The following PUDP variants were observed in gnomAD, a reference collection of about 807,000 sequenced individuals.
The protein encoded by PUDP is pseudouridine 5'-phosphatase.
Under a neutral mutation model 9.4 loss-of-function variants are expected in PUDP, and 8 were observed. That is an observed-to-expected ratio of 0.85 (90% CI 0.50 to 1.53). The LOEUF (loss-of-function observed/expected upper bound fraction) is 1.53. Among genes scored for constraint, PUDP ranks in the 40% most tolerant of loss-of-function variants. The pLI is 0.00. For synonymous variants in PUDP, 99 were observed against 80.7 expected, an observed-to-expected ratio of 1.23 and a Z score of -1.22; for missense variants, 188 against 189.7, an observed-to-expected ratio of 0.99 and a Z score of 0.05.
rs1299950653 is a variant in PUDP at position 6,765,246 on chromosome X, C to A, written c.*248-58780G>T. Among the ~76,000 whole-genome samples, 8 of 111,635 alleles carry A rather than the reference C, an allele frequency of 7.2e-5. No homozygotes were observed. In the South Asian group the frequency reaches 3.0e-3, roughly 42 times the overall value. ...AGTGAGCCAACATCACGCCACTACC[C>A]TCCAGCCTAGACAACAGAGCCAGAC... On this transcript the variant is annotated intron_variant and NMD_transcript_variant, in intron 3 of 3. Coordinates refer to the PUDP transcript ENST00000655425.
At chrX:6,825,486 A>G (rs1926411091) in intron 3 of PUDP, among the ~76,000 whole-genome samples, 1 of 111,414 alleles carries the variant, frequency 9.0e-6, no homozygotes, top group African/African-American at 3.3e-5. Flanking sequence ...CAGATGGTAT[A>G]ATATCAAAAA....
chrX:6,742,878 T>G (rs1924956930), intron 3 of PUDP, among the ~76,000 whole-genome samples: 2 of 112,587 alleles, frequency 1.8e-5, no homozygotes, highest in African/African-American at 6.5e-5. Context: ...TAAGAACACA[T>G]GGTTTGAGAA....
At chrX:6,944,914 C>T (rs905854072) in intron 3 of PUDP, among the ~76,000 whole-genome samples, 3 of 111,744 alleles carry the variant, frequency 2.7e-5, no homozygotes, top group South Asian at 3.8e-4. Flanking sequence ...CCTCCTTATC[C>T]GATCACAAAT....
intron 3 of PUDP, among the ~76,000 whole-genome samples, chrX:6,776,128 C>T (rs1925455671): frequency 1.8e-5 from 2 of 111,703 alleles, no homozygotes; most frequent in South Asian, 7.6e-4. Context: ...GTGTGGACAG[C>T]ACTATCCTGC....
At chrX:6,791,846 G>A (rs915493598) in intron 3 of PUDP, among the ~76,000 whole-genome samples, 4 of 112,231 alleles carry the variant, frequency 3.6e-5, no homozygotes, top group African/African-American at 1.3e-4. Flanking sequence ...TTAGTGAAAC[G>A]CTAACAGTAG....
At chrX:6,891,526 G>A (rs183744818) in intron 3 of PUDP, among the ~76,000 whole-genome samples, 1 of 112,056 alleles carries the variant, frequency 8.9e-6, no homozygotes, top group Admixed American at 9.4e-5. Context: ...GATAGGAGCT[G>A]TTCTCCCCAG....
chrX:7,024,968 C>T (rs1929689295), intron 1 of PUDP, among the ~76,000 whole-genome samples: 2 of 110,177 alleles, frequency 1.8e-5, no homozygotes, highest in African/African-American at 3.3e-5. Flanking sequence ...CCAGGACCCA[C>T]ATGGCTGCAA....
intron 2 of PUDP, among the ~76,000 whole-genome samples, chrX:6,978,036 T>C (rs930872893): frequency 2.7e-5 from 3 of 112,324 alleles, no homozygotes; most frequent in African/African-American, 6.5e-5. Context: ...TATCATAAAG[T>C]GGTACATGGC....
intron 3 of PUDP, among the ~76,000 whole-genome samples, chrX:7,051,004 C>A (rs746000128): frequency 8.1e-5 from 9 of 111,742 alleles, no homozygotes; most frequent in Admixed American, 5.7e-4. Context: ...CGTGCATGCT[C>A]TCTTTTGGAT....
intron 2 of PUDP, among the ~76,000 whole-genome samples, chrX:7,095,091 T>C (rs1304592661): frequency 8.9e-6 from 1 of 112,142 alleles, no homozygotes; most frequent in Non-Finnish European, 1.9e-5. Context: ...CTGTGACCCG[T>C]GTCAGAACAC....
intron 3 of PUDP, among the ~76,000 whole-genome samples, chrX:6,875,569 C>T (rs762943883): frequency 7.2e-5 from 8 of 111,386 alleles, no homozygotes; most frequent in African/African-American, 2.3e-4. Flanking sequence ...AGGGTAATTG[C>T]GGGTTTTGCC....
At chrX:7,068,347 C>T (rs7056478) in intron 3 of PUDP, among the ~76,000 whole-genome samples, 37,031 of 110,803 alleles carry the variant, frequency 0.33, 4,722 homozygotes, top group Middle Eastern at 0.47. Flanking sequence ...AATTGAGTCC[C>T]TTGGTGTGAA....
chrX:7,141,702 C>T (rs1345864106), intron 1 of PUDP, among the ~76,000 whole-genome samples: 3 of 111,371 alleles, frequency 2.7e-5, no homozygotes, highest in African/African-American at 6.7e-5. Context: ...CCACCCATGA[C>T]GTTCATAGCT....
chrX:6,987,114 T>C (rs911684727), intron 1 of PUDP, among the ~76,000 whole-genome samples: 5 of 112,075 alleles, frequency 4.5e-5, no homozygotes, highest in Non-Finnish European at 7.5e-5. Flanking sequence ...AGAAGAATTA[T>C]ACGTGTGAGC....
intron 1 of PUDP, among the ~76,000 whole-genome samples, chrX:6,710,137 AAAAC>A (rs778774758): frequency 1.8e-5 from 2 of 111,855 alleles, no homozygotes; most frequent in African/African-American, 3.2e-5. Flanking sequence ...CAACAACAAC[AAAAC>A]AAACAAACAA....
chrX:6,820,329 A>G (rs998160176), intron 3 of PUDP, among the ~76,000 whole-genome samples: 3 of 110,601 alleles, frequency 2.7e-5, no homozygotes, highest in Non-Finnish European at 3.8e-5. Flanking sequence ...AAACCCTATC[A>G]TCCTGCCCCT....
intron 1 of PUDP, among the ~76,000 whole-genome samples, chrX:7,030,843 G>T (rs1465663739): frequency 9.0e-6 from 1 of 111,559 alleles, no homozygotes; most frequent in Non-Finnish European, 1.9e-5. Flanking sequence ...TGCCAAGAAA[G>T]AATTCAGGTC....
In PUDP at chrX:6,902,573, G is replaced by C. The variant is rs1277924128; in HGVS notation, c.*247+74560C>G. Among the ~76,000 whole-genome samples the C allele has an allele frequency of 2.7e-5, 3 of 112,504 alleles. 1 individual carries two copies. Among genetic ancestry groups the C allele is most frequent in the South Asian group, 7.4e-4 (2 of 2,715 alleles). On this transcript the variant is annotated intron_variant and NMD_transcript_variant, in intron 3 of 3. Transcript: ENST00000655425. ...GCTCCTGCCTTAAGGGTATTGCTTTGTATTTGGGGGCAGAGGGCAGGGGCT... is the reference window on the plus strand; with the variant it reads ...GCTCCTGCCTTAAGGGTATTGCTTTCTATTTGGGGGCAGAGGGCAGGGGCT...
chrX:7,147,560 T>C (rs192925771), intron 1 of PUDP, among the ~76,000 whole-genome samples: 109 of 112,178 alleles, frequency 9.7e-4, no homozygotes, highest in African/African-American at 3.3e-3. Flanking sequence ...TGCAGGATGC[T>C]ACCATCAAAG....
Sources: gnomAD v4.1 joint callset for allele counts (sites outside exome capture counted in the v4.1 genomes callset) on GRCh38, gnomAD v4.1.1 for gene constraint, MANE v1.5 for transcripts, NCBI Gene and HGNC (gene_info 2026-07-23, HGNC 2026-07-21) for gene names.